UBTD2: variants seen among roughly 807,000 people sequenced by gnomAD.
UBTD2 encodes ubiquitin domain containing 2, also known as ubiquitin domain-containing protein 2.
In UBTD2, 9 loss-of-function variants were observed where a neutral mutation model predicts 19.8. The ratio of observed to expected loss-of-function variants is 0.46; its 90% CI spans 0.27 to 0.79. The LOEUF is 0.79. UBTD2 is among the 30% of genes least tolerant of loss of function. The pLI is 0.14. For synonymous variants in UBTD2, 98 were observed against 103.9 expected (o/e 0.94, Z 0.35); for missense variants, 250 against 300.4 (o/e 0.83, Z 1.24).
chr5:172,211,257 T>TA lies in UBTD2; in HGVS notation c.*572dup, dbSNP rs1237795860. The TA allele has an allele frequency of 6.6e-6, 1 of 152,456 alleles. No individual in the cohort carries two copies. Among genetic ancestry groups the TA allele is most frequent in the African/African-American group, 2.4e-5 (1 of 41,444 alleles). 9.4% of individuals were successfully genotyped at this position (152,456 alleles called of 1,614,324 possible). A position where few individuals can be genotyped will look rare whatever the true frequency, so the allele number is the denominator to read the frequency against. On this transcript the variant is annotated 3_prime_UTR_variant, in exon 3 of 3. Transcript: ENST00000393792. ...CACTAAAGCACAATTTGCCAGTCTCTACTCATTTATGGCTAAATATTAATT... is the reference window on the plus strand; with the variant it reads ...CACTAAAGCACAATTTGCCAGTCTCTAACTCATTTATGGCTAAATATTAATT...
intron 1 of UBTD2, 65 bp from the exon 2 acceptor site, chr5:172,234,423 C>G: frequency 7.7e-7 from 1 of 1,293,780 alleles, no homozygotes; most frequent in Non-Finnish European, 1.1e-6. Context: ...CAAAAGTTAT[C>G]TGGTCATTCC....
intron 2 of UBTD2, among the ~76,000 whole-genome samples, chr5:172,217,481 A>T (rs891599167): frequency 5.9e-5 from 9 of 151,844 alleles, no homozygotes; most frequent in East Asian, 1.9e-4. Flanking sequence ...CTTTAAAAAA[A>T]TTTTTTTTCT....
chr5:172,235,091 T>C (rs569293026), intron 1 of UBTD2, among the ~76,000 whole-genome samples: 1,836 of 152,292 alleles, frequency 0.012, 17 homozygotes, highest in Non-Finnish European at 0.019. Flanking sequence ...TAAAAAAATT[T>C]TTTTTTAATA....
At chr5:172,254,824 T>C (rs1561861397) in intron 1 of UBTD2, 1 of 552,480 alleles carries the variant, frequency 1.8e-6, no homozygotes, top group Non-Finnish European at 3.3e-6. Flanking sequence ...TTTTAATTTT[T>C]TTCTCTGGTA....
Position 172,216,037 on chromosome 5 carries a change from G to T in UBTD2, c.308-3810C>A, listed in dbSNP as rs147892160. On this transcript the variant is annotated intron_variant, in intron 2 of 2. Transcript: ENST00000393792. ...AAATTAGCCGAGCGTGGTGGCAGGC[G>T]CTTGTAATAATCCCAGCTACTCAGG... Among the ~76,000 whole-genome samples the T allele has an allele frequency of 2.6e-5, 4 of 152,082 alleles. No homozygotes were observed. In the South Asian group the frequency reaches 6.2e-4, roughly 24 times the overall value.
chr5:172,274,696 G>T (rs987144906), intron 1 of UBTD2, among the ~76,000 whole-genome samples: 8 of 152,148 alleles, frequency 5.3e-5, no homozygotes, highest in African/African-American at 1.9e-4. Context: ...ACAAACTACA[G>T]CTAGAATTTT....
intron 1 of UBTD2, among the ~76,000 whole-genome samples, chr5:172,243,628 C>T (rs539159025): frequency 3.4e-5 from 5 of 145,576 alleles, no homozygotes; most frequent in Admixed American, 7.1e-5. Context: ...AATGGCGCGA[C>T]CTCAGCTCAC....
rs1024064313 is a variant in UBTD2, at chr5:172,215,916, A to G, written c.308-3689T>C. On this transcript the variant is annotated intron_variant, in intron 2 of 2. Coordinates refer to ENST00000393792, the MANE Select transcript of UBTD2 (RefSeq NM_152277.3). ...AAAGCAAAGACAAAAAAGACCAAAA[A>G]ACCTTGGGAGGTTGAGGCGGGGGTA... Among the ~76,000 whole-genome samples the G allele has an allele frequency of 2.6e-5, 4 of 152,204 alleles. No individual in the cohort carries two copies. The South Asian group carries it at 8.3e-4, about 32-fold the overall frequency.
In UBTD2 at chr5:172,209,683, T is replaced by G. The variant is rs954949914; in HGVS notation, c.*2147A>C. The G allele has an allele frequency of 3.5e-5, 5 of 144,746 alleles. No homozygotes were observed. Among genetic ancestry groups the G allele is most frequent in the African/African-American group, 1.3e-4 (5 of 38,556 alleles). The allele number at this position is 144,746 out of a possible 1,614,324, so 9.0% of individuals were successfully genotyped here. A position where few individuals can be genotyped will look rare whatever the true frequency, so the allele number is the denominator to read the frequency against. On this transcript the variant is annotated 3_prime_UTR_variant, in exon 3 of 3. Transcript: ENST00000393792. ...TTTTTTTTTTTTTAAAAAAAGCACA[T>G]AAACCCTACATACTAAAATTATACA...
At chr5:172,223,884 C>T (rs1771705250) in intron 2 of UBTD2, among the ~76,000 whole-genome samples, 1 of 151,948 alleles carries the variant, frequency 6.6e-6, no homozygotes, top group Admixed American at 6.6e-5. Context: ...AGACAGAGGA[C>T]AAATACAAGG....
At chr5:172,254,143 A>G (rs1212416588) in intron 1 of UBTD2, among the ~76,000 whole-genome samples, 2 of 152,278 alleles carry the variant, frequency 1.3e-5, no homozygotes, top group East Asian at 3.9e-4. Context: ...TCTGTCGCCC[A>G]GGCTGGAGTG....
At chr5:172,283,804 G>A, upstream of UBTD2, 2 of 388,028 alleles carry the variant, frequency 5.2e-6, no homozygotes, top group Non-Finnish European at 7.3e-6. The surrounding 1 kb of genome is among the most constrained non-coding windows in gnomAD (Gnocchi z 4.3). Flanking sequence ...CCCAGCCTCC[G>A]CCCCCCTCGC....
intron 1 of UBTD2, chr5:172,254,813 A>G (rs1755105830): frequency 1.8e-6 from 1 of 548,880 alleles, no homozygotes; most frequent in East Asian, 3.8e-5. Context: ...CCCAGGTTCT[A>G]TTTTAATTTT....
intron 1 of UBTD2, among the ~76,000 whole-genome samples, chr5:172,256,530 C>CTT (rs11324235): frequency 2.8e-5 from 4 of 142,438 alleles, no homozygotes; most frequent in Non-Finnish European, 3.1e-5. Context: ...CCATGCCCAG[C>CTT]TTTTTTTTTT....
chr5:172,257,010 C>T (rs1755167971), intron 1 of UBTD2, among the ~76,000 whole-genome samples: 1 of 152,036 alleles, frequency 6.6e-6, no homozygotes, highest in South Asian at 2.1e-4. Flanking sequence ...CTTTTAGGTT[C>T]GGAGGTATAT....
At chr5:172,263,851 CTG>C (rs111856574) in intron 1 of UBTD2, among the ~76,000 whole-genome samples, 13 of 142,142 alleles carry the variant, frequency 9.1e-5, no homozygotes, top group Non-Finnish European at 1.2e-4. Flanking sequence ...GCACGTGCCT[CTG>C]TGTGTGTGTG....
chr5:172,230,993 C>T (rs1047802450), intron 2 of UBTD2, among the ~76,000 whole-genome samples: 4 of 152,028 alleles, frequency 2.6e-5, no homozygotes, highest in South Asian at 2.1e-4. Context: ...CCGTGTTAGC[C>T]GGGATGGTCT....
chr5:172,248,388 G>C (rs1303451990), intron 1 of UBTD2, among the ~76,000 whole-genome samples: 1 of 152,108 alleles, frequency 6.6e-6, no homozygotes, highest in Non-Finnish European at 1.5e-5. Context: ...AGGAATTCGA[G>C]ACCAGCCTGG....
chr5:172,251,314 C>CAAAAAAAAAAAGAAAAAAAAAAAAAA, intron 1 of UBTD2, among the ~76,000 whole-genome samples: 1 of 118,242 alleles, frequency 8.5e-6, no homozygotes, highest in African/African-American at 3.4e-5. Flanking sequence ...GAGCCTATCT[C>CAAAAAAAAAAAGAAAAAAAAAAAAAA]AAAAAAAAAA....
Sources: allele counts gnomAD v4.1 joint callset (sites outside exome capture counted in the v4.1 genomes callset), GRCh38; gene constraint gnomAD v4.1.1; non-coding constraint Gnocchi (gnomAD v3.1); transcripts MANE v1.5; gene names NCBI Gene and HGNC (gene_info 2026-07-23, HGNC 2026-07-21).